CD274: variants seen among roughly 807,000 people sequenced by gnomAD.
The protein encoded by CD274 is programmed cell death 1 ligand 1.
Under a neutral mutation model 30.1 loss-of-function variants are expected in CD274, and 8 were observed. That is an observed-to-expected ratio of 0.27 (90% confidence interval 0.16 to 0.48). The LOEUF is 0.48. Ranked by LOEUF, CD274 falls within the 20% of genes least tolerant of loss-of-function variation. The pLI, the probability that CD274 is intolerant of heterozygous loss-of-function variation, is 0.99. For synonymous variants in CD274, 152 were observed against 124.6 expected, an observed-to-expected ratio of 1.22 and a Z score of -1.46; for missense variants, 353 against 346.6, an observed-to-expected ratio of 1.02 and a Z score of -0.15.
chr9:5,465,792 C>A (rs1586768789), intron 5 of CD274, 186 bp downstream of exon 5: 1 of 481,694 alleles, frequency 2.1e-6, no homozygotes, highest in East Asian at 3.4e-5. Context: ...GGGTGAGGGG[C>A]AGGAGAATGG....
At chr9:5,464,697 G>A (rs924624139) in intron 4 of CD274, among the ~76,000 whole-genome samples, 6 of 152,224 alleles carry the variant, frequency 3.9e-5, no homozygotes, top group Admixed American at 1.3e-4. Flanking sequence ...ACAGATAGGA[G>A]GAGGTGGGAG....
At chr9:5,462,788 T>A (rs773145847) in intron 3 of CD274, 46 bp from the exon 4 acceptor site, 20 of 1,566,186 alleles carry the variant, frequency 1.3e-5, no homozygotes, top group Non-Finnish European at 4.4e-6. Context: ...ATGTACGTAG[T>A]TCTGTGCTCA....
At chr9:5,465,832 A>T (rs1226815504) in intron 5 of CD274, 2 of 319,966 alleles carry the variant, frequency 6.3e-6, no homozygotes, top group Non-Finnish European at 1.2e-5. Flanking sequence ...ATGCAGTGTC[A>T]TACAGTTTTT....
At position 5,465,479 on chromosome 9, in the gene CD274, CGTTTT is replaced by C; in HGVS notation, c.683-9_683-5del. On this transcript the variant is annotated splice_polypyrimidine_tract_variant and intron_variant, in intron 4 of 6. Transcript: ENST00000381577. ...ATTTTATCTTTAGTCAGTTTGTTTT[CGTTTT>C]GTTTTGTTTTTCAGAACTACCTCTG... 2 of 1,430,706 alleles carry C rather than the reference CGTTTT, an allele frequency of 1.4e-6. No individual in the cohort carries two copies. Among genetic ancestry groups the C allele is most frequent in the Non-Finnish European group, 2.0e-6 (2 of 1,013,940 alleles). The allele number at this position is 1,430,706 out of a possible 1,614,324, so 88.6% of individuals were successfully genotyped here.
chr9:5,462,784 G>A (rs373867549), intron 3 of CD274, 50 bp from the exon 4 acceptor site: 30 of 1,540,028 alleles, frequency 1.9e-5, no homozygotes, highest in Admixed American at 1.9e-4. Flanking sequence ...AGCTATGTAC[G>A]TAGTTCTGTG....
rs2131212263 is a variant in CD274 at position 5,457,288 on chromosome 9, T to C, written c.262T>C (p.Leu88=). 2 of 1,614,044 alleles carry C rather than the reference T, an allele frequency of 1.2e-6. No individual in the cohort carries two copies. The highest frequency in any genetic ancestry group is 2.2e-5 in the East Asian group (1 of 44,890). Residue 88 remains leucine, a synonymous_variant, in exon 3 of 7, where the codon TTG becomes CTG. Coordinates refer to ENST00000381577, the MANE Select transcript of CD274 (RefSeq NM_014143.4). ...HSSYRQRARL[L]KDQLSLGNAA... Reference sequence around the variant, plus strand: ...TAGCTACAGACAGAGGGCCCGGCTGTTGAAGGACCAGCTCTCCCTGGGAAA... The same window carrying C: ...TAGCTACAGACAGAGGGCCCGGCTGCTGAAGGACCAGCTCTCCCTGGGAAA...
At chr9:5,460,873 TTC>T (rs1439858012) in intron 3 of CD274, among the ~76,000 whole-genome samples, 1 of 152,214 alleles carries the variant, frequency 6.6e-6, no homozygotes, top group Admixed American at 6.5e-5. Flanking sequence ...AAATTTTACT[TTC>T]TGTTAATATA....
chr9:5,457,136 C>A lies in CD274; in HGVS notation c.110C>A (p.Thr37Lys), dbSNP rs1314957482. 4 of 1,613,978 alleles carry A rather than the reference C, an allele frequency of 2.5e-6. No homozygotes were observed. Among genetic ancestry groups the A allele is most frequent in the Non-Finnish European group, 3.4e-6 (4 of 1,179,864 alleles). Residue 37 changes from threonine (T) to lysine (K), a missense_variant, in exon 3 of 7, where the codon ACA becomes AAA. Thr to Lys is a moderately conservative substitution (Grantham distance 78). Transcript: ENST00000381577. ...GTGGTAGAGTATGGTAGCAATATGACAATTGAATGCAAATTCCCAGTAGAA... is the reference window on the plus strand; with the variant it reads ...GTGGTAGAGTATGGTAGCAATATGAAAATTGAATGCAAATTCCCAGTAGAA... ...LYVVEYGSNM[T>K]IECKFPVEKQ...
intron 3 of CD274, among the ~76,000 whole-genome samples, chr9:5,459,024 G>C (rs972042135): frequency 2.6e-5 from 4 of 152,184 alleles, no homozygotes; most frequent in Non-Finnish European, 5.9e-5. Flanking sequence ...TCAGCCTGTA[G>C]GGAGTGTGTA....
intron 5 of CD274, among the ~76,000 whole-genome samples, chr9:5,466,094 A>G (rs1048936798): frequency 2.4e-4 from 37 of 152,238 alleles, no homozygotes; most frequent in African/African-American, 8.9e-4. Context: ...AAAATCCAGG[A>G]AAATGAGTAT....
intron 3 of CD274, among the ~76,000 whole-genome samples, chr9:5,461,831 G>T (rs1819409073): frequency 6.6e-6 from 1 of 152,004 alleles, no homozygotes; most frequent in African/African-American, 2.4e-5. Context: ...TCTTCCTTGA[G>T]CATAATTACT....
chr9:5,462,793 T>G (rs372957223), intron 3 of CD274, 41 bp from the exon 4 acceptor site: 55 of 1,581,974 alleles, frequency 3.5e-5, no homozygotes, highest in Middle Eastern at 1.8e-4. Flanking sequence ...CGTAGTTCTG[T>G]GCTCAGCAAA....
intron 6 of CD274, among the ~76,000 whole-genome samples, chr9:5,467,328 TG>T (rs1273645074): frequency 1.3e-5 from 2 of 152,126 alleles, no homozygotes; most frequent in Non-Finnish European, 2.9e-5. Flanking sequence ...AAATCAAGCT[TG>T]GGGGCCATTA....
intron 4 of CD274, among the ~76,000 whole-genome samples, chr9:5,465,019 G>A (rs149321679): frequency 6.2e-4 from 94 of 151,430 alleles, no homozygotes; most frequent in African/African-American, 1.8e-3. Flanking sequence ...CCTGGGAGGC[G>A]GAAGTTGCAG....
intron 3 of CD274, 66 bp from the exon 4 acceptor site, chr9:5,462,768 G>T (rs1819426654): frequency 7.0e-7 from 1 of 1,428,652 alleles, no homozygotes; most frequent in South Asian, 1.3e-5. Flanking sequence ...AATGTGGACA[G>T]CATCAAGCTA....
intron 1 of CD274, 67 bp downstream of exon 1, chr9:5,450,663 T>C (rs751188837): frequency 3.3e-5 from 5 of 152,190 alleles, no homozygotes; most frequent in African/African-American, 9.7e-5. Context: ...CTGGGCACTT[T>C]AGGACGGAGG....
rs747218330 is a variant in CD274 at position 5,465,511 on chromosome 9, C to G, written c.695C>G (p.Ala232Gly). Residue 232 changes from alanine to glycine, a missense_variant, in exon 5 of 7, where the codon GCA becomes GGA. Coordinates refer to ENST00000381577, the MANE Select transcript of CD274 (RefSeq NM_014143.4). The stretch of plus-strand genomic sequence containing the variant: ...TTTTGTTTTTCAGAACTACCTCTGG[C>G]ACATCCTCCAAATGAAAGGACTCAC... ...AELVIPELPL[A>G]HPPNERTHLV... is the part of the protein sequence containing the mutation. The G allele has an allele frequency of 1.9e-6, 3 of 1,605,862 alleles. No individual in the cohort carries two copies. The highest frequency in any genetic ancestry group is 2.6e-6 in the Non-Finnish European group (3 of 1,172,576).
intron 3 of CD274, among the ~76,000 whole-genome samples, chr9:5,460,537 T>C (rs935620448): frequency 1.3e-5 from 2 of 152,152 alleles, no homozygotes; most frequent in Non-Finnish European, 2.9e-5. Flanking sequence ...ATTCCCATTT[T>C]AAGGATGAGG....
At chr9:5,456,059 A>T in intron 1 of CD274, 41 bp from the exon 2 acceptor site, 1 of 1,102,342 alleles carries the variant, frequency 9.1e-7, no homozygotes, top group Non-Finnish European at 1.4e-6. Context: ...ATGTTTAATT[A>T]TTAAGTGAAG....
Sources: allele counts gnomAD v4.1 joint callset (sites outside exome capture counted in the v4.1 genomes callset), GRCh38; gene constraint gnomAD v4.1.1; transcripts MANE v1.5; gene names NCBI Gene and HGNC (gene_info 2026-07-23, HGNC 2026-07-21).